The following KMT2C variants were observed in gnomAD, a reference collection of about 807,000 sequenced individuals.
The protein encoded by KMT2C is histone-lysine N-methyltransferase 2C.
In KMT2C, 88 loss-of-function variants were observed where a neutral mutation model predicts 507.9. That is an observed-to-expected ratio of 0.17 (90% CI 0.15 to 0.21). KMT2C has a LOEUF of 0.21. KMT2C is among the 10% of genes least tolerant of loss of function. The pLI, the probability that KMT2C is intolerant of heterozygous loss-of-function variation, is 1.00. For synonymous variants in KMT2C, 2,049 were observed against 2,080.8 expected, an observed-to-expected ratio of 0.98 and a Z score of 0.42; for missense variants, 4,954 against 5,957.8, an observed-to-expected ratio of 0.83 and a Z score of 5.55.
chr7:152,409,471 A>C (rs1327304511), intron 1 of KMT2C, among the ~76,000 whole-genome samples: 1 of 151,516 alleles, frequency 6.6e-6, no homozygotes, highest in Non-Finnish European at 1.5e-5. Context: ...TAATCCCAGC[A>C]TTTTGGGAGG....
In KMT2C at chr7:152,173,091, T is replaced by TA. The variant is rs550844279; in HGVS notation, c.9374+1039dup. ...AATCTCTATGATAGAGAAATAGTGT[T>TA]AATAAATATTGCTCAATAATGAAAA... On this transcript the variant is annotated intron_variant, in intron 39 of 58. Transcript: ENST00000262189. Among the ~76,000 whole-genome samples, 191 of 152,314 alleles carry TA rather than the reference T, an allele frequency of 1.3e-3. 1 individual carries two copies. The highest frequency in any genetic ancestry group is 0.01 in the Middle Eastern group (3 of 294).
At position 152,435,837 on chromosome 7, in the gene KMT2C, C is replaced by G. The variant is rs2097912556; in HGVS notation, c.-51G>C. The G allele has an allele frequency of 1.5e-6, 2 of 1,378,778 alleles. No individual in the cohort carries two copies. The highest frequency in any genetic ancestry group is 1.9e-6 in the Non-Finnish European group (2 of 1,064,626). 85.4% of individuals were successfully genotyped at this position (1,378,778 alleles called of 1,614,324 possible). A position where few individuals can be genotyped will look rare whatever the true frequency, so the allele number is the denominator to read the frequency against. ...ATCCCGGTCCTCCTCCTGGGGGGCT[C>G]CCGCCGCCGCGGCCGCCGCCGCCGC... On this transcript the variant is annotated 5_prime_UTR_variant, in exon 1 of 59. Transcript: ENST00000262189.
chr7:152,155,854 A>AT (rs1322396203), intron 46 of KMT2C, 56 bp downstream of exon 46: 48 of 1,510,702 alleles, frequency 3.2e-5, no homozygotes, highest in African/African-American at 8.6e-5. Context: ...ACATACATTT[A>AT]TTTTTTTTAA....
At position 152,311,926 on chromosome 7, in the gene KMT2C, T is replaced by G. The variant is rs2096675312; in HGVS notation, c.611A>C (p.Asn204Thr). 1 of 1,603,250 alleles carries G rather than the reference T, an allele frequency of 6.2e-7. No individual in the cohort carries two copies. Among genetic ancestry groups the G allele is most frequent in the Non-Finnish European group, 8.5e-7 (1 of 1,172,838 alleles). The change falls in exon 5 of 59, where the codon AAT becomes ACT. Residue 204 changes from asparagine to threonine, a missense_variant. Asn to Thr is a moderately conservative substitution (Grantham distance 65, BLOSUM62 0). Coordinates refer to ENST00000262189, the MANE Select transcript of KMT2C (RefSeq NM_170606.3). ...GQRKERSPQQ[N>T]IVSCVSVSTQ... ...GCTTACACTTACACAAGATACTATA[T>G]TCTGCTGAGGAGATCGTTCTCTGAA... is the stretch of plus-strand genomic sequence containing the variant.
intron 16 of KMT2C, among the ~76,000 whole-genome samples, chr7:152,230,667 C>T (rs1400407028): frequency 6.6e-6 from 1 of 152,168 alleles, no homozygotes; most frequent in East Asian, 1.9e-4. Flanking sequence ...TAATGACACA[C>T]ACTTGGGATC....
At chr7:152,166,622 C>T (rs1401566042) in intron 42 of KMT2C, among the ~76,000 whole-genome samples, 1 of 152,016 alleles carries the variant, frequency 6.6e-6, no homozygotes, top group African/African-American at 2.4e-5. Flanking sequence ...TTTTCTGGAA[C>T]AGTACTTCAC....
intron 1 of KMT2C, among the ~76,000 whole-genome samples, chr7:152,397,255 G>T (rs886771455): frequency 6.6e-6 from 1 of 151,594 alleles, no homozygotes; most frequent in Non-Finnish European, 1.5e-5. Context: ...GAGTGCAGGG[G>T]CTTGATGTCA....
intron 15 of KMT2C, among the ~76,000 whole-genome samples, chr7:152,236,289 TATAA>T (rs2095272557): frequency 7.5e-6 from 1 of 132,718 alleles, no homozygotes; most frequent in Non-Finnish European, 1.6e-5. Context: ...ATAGAGTAAG[TATAA>T]GGAAGAACTC....
chr7:152,252,228 T>C, intron 10 of KMT2C, 138 bp from the exon 11 acceptor site: 1 of 630,864 alleles, frequency 1.6e-6, no homozygotes, highest in Non-Finnish European at 2.6e-6. Context: ...AGTTGCTAAC[T>C]GACAAAGGTT....
intron 6 of KMT2C, among the ~76,000 whole-genome samples, chr7:152,277,730 A>T (rs1290501592): frequency 6.6e-6 from 1 of 152,166 alleles, no homozygotes; most frequent in Non-Finnish European, 1.5e-5. Flanking sequence ...AGAATCGGGC[A>T]TCAGTTCTCA....
At chr7:152,375,587 T>C (rs2129244251) in intron 1 of KMT2C, among the ~76,000 whole-genome samples, 1 of 151,894 alleles carries the variant, frequency 6.6e-6, no homozygotes, top group Middle Eastern at 3.4e-3. Context: ...GGTTTCACCA[T>C]GCTGGCCAGG....
chr7:152,310,635 T>C (rs1319436704), intron 5 of KMT2C, among the ~76,000 whole-genome samples: 1 of 152,036 alleles, frequency 6.6e-6, no homozygotes, highest in Admixed American at 6.6e-5. Flanking sequence ...ACTCGTGCAG[T>C]GGGGCCCAGC....
At chr7:152,313,394 C>G (rs776245723) in intron 4 of KMT2C, among the ~76,000 whole-genome samples, 5 of 152,088 alleles carry the variant, frequency 3.3e-5, no homozygotes, top group Admixed American at 6.5e-5. Context: ...TAATCAAATT[C>G]AACCTTCAAG....
rs545437728 is a variant in KMT2C at position 152,204,519 on chromosome 7, C to T, written c.3961+587G>A. Among the ~76,000 whole-genome samples, 26 of 152,082 alleles carry T rather than the reference C, an allele frequency of 1.7e-4. No individual in the cohort carries two copies. In the South Asian group the frequency reaches 5.4e-3, roughly 32 times the overall value. ...GTTGAGGACAGGAGAACTACCTGAG[C>T]TCAGGAGTGCAAGGCTGCAGTGACC... On this transcript the variant is annotated intron_variant, in intron 25 of 58. Coordinates refer to ENST00000262189, the MANE Select transcript of KMT2C (RefSeq NM_170606.3).
rs142749680 is a variant in KMT2C, at chr7:152,186,022, C to A, written c.5009-391G>T. On this transcript the variant is annotated intron_variant, in intron 33 of 58. Transcript: ENST00000262189. ...TTGACCTACCAGAAGTAAACAAAGT[C>A]ATAAATAAGCATCTCACTAGCATTT... Among the ~76,000 whole-genome samples, 629 of 152,204 alleles carry A rather than the reference C, an allele frequency of 4.1e-3. 5 individuals are homozygous for A. The highest frequency in any genetic ancestry group is 0.014 in the African/African-American group (602 of 41,530).
intron 7 of KMT2C, among the ~76,000 whole-genome samples, chr7:152,266,656 T>C (rs1408229693): frequency 2.0e-5 from 3 of 152,308 alleles, no homozygotes; most frequent in Non-Finnish European, 2.9e-5. Flanking sequence ...TTCTTTTATT[T>C]GTACCGGAGT....
At chr7:152,235,221 AT>A (rs1471978410) in intron 16 of KMT2C, among the ~76,000 whole-genome samples, 2 of 151,360 alleles carry the variant, frequency 1.3e-5, no homozygotes, top group African/African-American at 4.9e-5. Context: ...ATATATATAT[AT>A]ATCAAAGCTT....
chr7:152,248,506 A>G lies in KMT2C; in HGVS notation c.1928T>C (p.Ile643Thr), dbSNP rs771545679. ...EVKHICGEDQ[I>T]EDKMEVTENI... is the part of the protein sequence containing the mutation. ...TTCTGTCACTTCCATTTTATCTTCAATTTGATCTTCGCCACAAATATGCTT... is the reference window on the plus strand; with the variant it reads ...TTCTGTCACTTCCATTTTATCTTCAGTTTGATCTTCGCCACAAATATGCTT... Residue 643 changes from isoleucine to threonine, a missense_variant, in exon 14 of 59, where the codon ATT becomes ACT. Transcript: ENST00000262189. The G allele has an allele frequency of 2.5e-6, 4 of 1,613,858 alleles. No homozygotes were observed. The East Asian group carries it at 6.7e-5, about 27-fold the overall frequency.
At chr7:152,368,483 A>C in intron 1 of KMT2C, 1 of 1,259,560 alleles carries the variant, frequency 7.9e-7, no homozygotes, top group East Asian at 2.5e-5. Context: ...TCTGAAGCTG[A>C]GCTCCAGTGG....
Sources: allele counts gnomAD v4.1 joint callset (sites outside exome capture counted in the v4.1 genomes callset), GRCh38; gene constraint gnomAD v4.1.1; transcripts MANE v1.5; gene names NCBI Gene and HGNC (gene_info 2026-07-23, HGNC 2026-07-21).